The following SCML4 variants were observed in gnomAD, a reference collection of about 807,000 sequenced individuals.
SCML4 encodes sex comb on midleg-like protein 4.
In SCML4, 34 loss-of-function variants were observed where a neutral mutation model predicts 41.1. The observed-to-expected ratio is 0.83, with a 90% CI of 0.63 to 1.10. The LOEUF is 1.10. SCML4 is among the 50% of genes least tolerant of loss of function. SCML4 has a pLI of 0.00. For missense variants in SCML4, 522 were observed against 534.1 expected, an observed-to-expected ratio of 0.98 and a Z score of 0.22; for synonymous variants, 214 against 220.9, an observed-to-expected ratio of 0.97 and a Z score of 0.28.
chr6:107,721,318 C>T (rs1583405633), intron 5 of SCML4, among the ~76,000 whole-genome samples: 1 of 152,074 alleles, frequency 6.6e-6, no homozygotes, highest in Non-Finnish European at 1.5e-5. Context: ...AATCCCTGAA[C>T]TTTGGGAGGC....
chr6:107,708,068 C>A, intron 6 of SCML4, 57 bp from the exon 7 acceptor site: 1 of 1,520,730 alleles, frequency 6.6e-7, no homozygotes, highest in Non-Finnish European at 8.8e-7. Flanking sequence ...CTTGCACCTA[C>A]CTGGTGCTGC....
chr6:107,734,232 G>GGA (rs1321482187), intron 5 of SCML4, among the ~76,000 whole-genome samples: 2 of 152,182 alleles, frequency 1.3e-5, no homozygotes, highest in East Asian at 3.8e-4. Flanking sequence ...AGTCTCAGGT[G>GGA]CTGGCATCTT....
chr6:107,800,862 G>A (rs778184282), intron 1 of SCML4, among the ~76,000 whole-genome samples: 101 of 152,186 alleles, frequency 6.6e-4, no homozygotes, highest in Admixed American at 3.1e-3. Context: ...AGATCAATAA[G>A]CAAGGGTCCT....
At chr6:107,770,979 G>A (rs1057454040) in intron 2 of SCML4, among the ~76,000 whole-genome samples, 4 of 152,176 alleles carry the variant, frequency 2.6e-5, no homozygotes, top group African/African-American at 9.7e-5. Flanking sequence ...CCCTACGCCA[G>A]CTTAAGAGAG....
At chr6:107,804,070 A>AG (rs1783529999) in intron 1 of SCML4, among the ~76,000 whole-genome samples, 1 of 132,562 alleles carries the variant, frequency 7.5e-6, no homozygotes, top group African/African-American at 3.8e-5. Flanking sequence ...AGAAAAAGAA[A>AG]AAAAAAAAAA....
intron 2 of SCML4, among the ~76,000 whole-genome samples, chr6:107,762,654 C>T (rs1013109107): frequency 1.2e-4 from 19 of 152,190 alleles, no homozygotes; most frequent in African/African-American, 2.9e-4. Context: ...GATGGGAAGA[C>T]ATGGGGAGTA....
chr6:107,757,827 A>C (rs1437123842), intron 2 of SCML4, among the ~76,000 whole-genome samples: 2 of 152,196 alleles, frequency 1.3e-5, no homozygotes, highest in Non-Finnish European at 2.9e-5. Flanking sequence ...AAGTGATGGC[A>C]GGAGGAGGAA....
At chr6:107,710,093 A>G (rs1774090107) in intron 6 of SCML4, among the ~76,000 whole-genome samples, 1 of 152,180 alleles carries the variant, frequency 6.6e-6, no homozygotes. Context: ...ACAATTATTT[A>G]TGAACTTCTC....
At chr6:107,717,702 GAC>G (rs1361468193) in intron 6 of SCML4, among the ~76,000 whole-genome samples, 1 of 152,044 alleles carries the variant, frequency 6.6e-6, no homozygotes, top group Non-Finnish European at 1.5e-5. Context: ...CGTGCATCAC[GAC>G]ACCCAGCTAA....
At chr6:107,842,515 A>G in the SCML4 span, among the ~76,000 whole-genome samples, 1 of 152,182 alleles carries the variant, frequency 6.6e-6, no homozygotes, top group Non-Finnish European at 1.5e-5. Flanking sequence ...CTCCTGCCTC[A>G]GCTTCCCAAG....
At chr6:107,774,882 G>A (rs1469768557) in intron 1 of SCML4, among the ~76,000 whole-genome samples, 2 of 151,938 alleles carry the variant, frequency 1.3e-5, no homozygotes, top group Non-Finnish European at 2.9e-5. Context: ...AATTAGCTGG[G>A]CATGGTGGCA....
intron 6 of SCML4, among the ~76,000 whole-genome samples, chr6:107,708,879 T>G (rs1471676432): frequency 6.6e-6 from 1 of 152,164 alleles, no homozygotes; most frequent in East Asian, 1.9e-4. Context: ...TGTGTGTATG[T>G]CCCAAACTAA....
At chr6:107,816,753 C>T (rs1007369792) in intron 1 of SCML4, among the ~76,000 whole-genome samples, 2 of 152,226 alleles carry the variant, frequency 1.3e-5, no homozygotes, top group Non-Finnish European at 2.9e-5. Flanking sequence ...CAGGTTTTTG[C>T]TTTTAACTCT....
At position 107,734,888 on chromosome 6, in the gene SCML4, G is replaced by T. The variant is rs1776905034; in HGVS notation, c.682+10061C>A. 2.0e-5 allele frequency among the ~76,000 whole-genome samples: 3 copies of T among 152,160 alleles called. No homozygotes were observed. The South Asian group carries it at 6.2e-4, about 32-fold the overall frequency. ...TGTTGTTGTTGTTGTTATTGTTGTGGTTTTTGAGAAGGAATCATGCTCTGT... is the reference window on the plus strand; with the variant it reads ...TGTTGTTGTTGTTGTTATTGTTGTGTTTTTTGAGAAGGAATCATGCTCTGT... On this transcript the variant is annotated intron_variant, in intron 5 of 7. Transcript: ENST00000369020.
intron 2 of SCML4, among the ~76,000 whole-genome samples, chr6:107,755,282 G>A (rs1562223022): frequency 6.6e-6 from 1 of 152,150 alleles, no homozygotes; most frequent in Non-Finnish European, 1.5e-5. Flanking sequence ...TAAAACAACT[G>A]CTAGAACTTT....
intron 6 of SCML4, among the ~76,000 whole-genome samples, chr6:107,713,818 G>A (rs1774474168): frequency 6.6e-6 from 1 of 152,150 alleles, no homozygotes; most frequent in South Asian, 2.1e-4. Flanking sequence ...ATCTCCAAGT[G>A]ACCTGCTCCC....
Position 107,785,839 on chromosome 6 carries a change from C to T in SCML4, c.-59-13453G>A, listed in dbSNP as rs539759426. 1.3e-3 allele frequency among the ~76,000 whole-genome samples: 201 copies of T among 152,252 alleles called. 1 individual carries two copies. The highest frequency in any genetic ancestry group is 2.3e-3 in the Non-Finnish European group (154 of 68,012). ...TGCTCAGAAAAAAAGAGAGGTCCTACGAGGCTGAGGTTTTCCAGGGCCACA... is the reference window on the plus strand; with the variant it reads ...TGCTCAGAAAAAAAGAGAGGTCCTATGAGGCTGAGGTTTTCCAGGGCCACA... On this transcript the variant is annotated intron_variant, in intron 1 of 7. Coordinates refer to ENST00000369020, the MANE Select transcript of SCML4 (RefSeq NM_198081.5).
At chr6:107,826,874 T>C (rs1340971601), upstream of SCML4, among the ~76,000 whole-genome samples, 5 of 151,926 alleles carry the variant, frequency 3.3e-5, no homozygotes, top group East Asian at 3.9e-4. Context: ...CCATCCTGGC[T>C]AACACGGTGA....
chr6:107,759,368 A>ATACATACATACATACATACATACATAC (rs61536006), intron 2 of SCML4, among the ~76,000 whole-genome samples: 1 of 149,010 alleles, frequency 6.7e-6, no homozygotes, highest in Non-Finnish European at 1.5e-5. Context: ...TACATACATA[A>ATACATACATACATACATACATACATAC]GGCTGCTGTT....
Sources: allele counts gnomAD v4.1 joint callset (sites outside exome capture counted in the v4.1 genomes callset), GRCh38; gene constraint gnomAD v4.1.1; transcripts MANE v1.5; gene names NCBI Gene and HGNC (gene_info 2026-07-23, HGNC 2026-07-21).